MRPL23: variants seen among roughly 807,000 people sequenced by gnomAD.
MRPL23 encodes the protein large ribosomal subunit protein uL23m.
For missense variants in MRPL23, 25 were observed against 81.3 expected, an observed-to-expected ratio of 0.31 and a Z score of 2.66; for synonymous variants, 12 against 34.8, an observed-to-expected ratio of 0.35 and a Z score of 2.30.
At chr11:1,968,135 C>A (rs2119548304) in intron 4 of MRPL23, among the ~76,000 whole-genome samples, 1 of 82,278 alleles carries the variant, frequency 1.2e-5, no homozygotes, top group East Asian at 3.7e-4. Flanking sequence ...GGCCCCTCAG[C>A]CCCCAGCCAG....
intron 4 of MRPL23, among the ~76,000 whole-genome samples, chr11:1,971,199 G>A (rs1205191525): frequency 7.5e-6 from 1 of 132,762 alleles, no homozygotes; most frequent in Non-Finnish European, 1.7e-5. Flanking sequence ...GGGTTCAGGA[G>A]CCAGCCCCTG....
downstream of MRPL23, among the ~76,000 whole-genome samples, chr11:1,959,031 CAG>C (rs899172878): frequency 1.3e-3 from 12 of 9,342 alleles, 1 homozygote; most frequent in Admixed American, 1.9e-3. Context: ...GCGTGAGAAA[CAG>C]GGCTGCCAGT....
At chr11:1,971,108 C>T (rs1327055858) in intron 4 of MRPL23, among the ~76,000 whole-genome samples, 1 of 145,948 alleles carries the variant, frequency 6.9e-6, no homozygotes, top group Admixed American at 6.9e-5. Flanking sequence ...GGCCTGGCCA[C>T]AGCCCTGCTT....
At chr11:1,983,282 C>G (rs994943280) in intron 5 of MRPL23, 1 of 8,610 alleles carries the variant, frequency 1.2e-4, no homozygotes, top group African/African-American at 4.6e-4. Context: ...GCCCCGACCC[C>G]TTGGAGAGTG....
chr11:1,962,377 GC>G lies in MRPL23; in HGVS notation c.438del (p.Arg147GlyfsTer8), dbSNP rs919572229. The G allele has an allele frequency of 1.6e-5, 2 of 121,936 alleles. No individual in the cohort carries two copies. Among genetic ancestry groups the G allele is most frequent in the Admixed American group, 1.6e-4 (2 of 12,214 alleles). The allele number at this position is 121,936 out of a possible 1,614,324, so 7.6% of individuals were successfully genotyped here. ...TGCCTGCAGTGCCCTGTGCGTGGTG[GC>G]CAGGGCCTGGGCTGCGGTGTACGTG... On this transcript the variant is annotated frameshift_variant, in exon 5 of 5. Coordinates refer to the MRPL23 transcript ENST00000381514. LOFTEE classifies it low-confidence loss of function (END_TRUNC).
intron 4 of MRPL23, among the ~76,000 whole-genome samples, chr11:1,971,724 C>T (rs1856614681): frequency 6.8e-6 from 1 of 146,060 alleles, no homozygotes; most frequent in Non-Finnish European, 1.5e-5. Context: ...CCCAGCCTGG[C>T]CGGGCCATCC....
chr11:1,955,977 C>CG (rs547366857), intron 4 of MRPL23, among the ~76,000 whole-genome samples: 3 of 7,800 alleles, frequency 3.8e-4, no homozygotes, highest in South Asian at 7.8e-3. Context: ...GCACCCAGGG[C>CG]GGGGGCAGAC....
chr11:1,958,162 G>A (rs148939304), downstream of MRPL23, among the ~76,000 whole-genome samples: 20 of 139,830 alleles, frequency 1.4e-4, 1 homozygote, highest in East Asian at 4.1e-3. Flanking sequence ...ACCCTGATCT[G>A]CAGCGTGGGC....
downstream of MRPL23, among the ~76,000 whole-genome samples, chr11:1,988,934 G>C (rs1382600203): frequency 6.9e-6 from 1 of 144,316 alleles, no homozygotes; most frequent in East Asian, 2.0e-4. Context: ...GGCCTCCCTG[G>C]ATGGTCCTGG....
At chr11:1,983,620 C>A (rs1467171028) in intron 5 of MRPL23, 2 of 135,882 alleles carry the variant, frequency 1.5e-5, no homozygotes, top group East Asian at 4.7e-4. Flanking sequence ...GTCCCAGCCC[C>A]AGCCCTTCCC....
intron 4 of MRPL23, among the ~76,000 whole-genome samples, chr11:1,968,398 T>TG (rs1856570995): frequency 1.3e-5 from 1 of 79,412 alleles, no homozygotes; most frequent in Non-Finnish European, 2.7e-5. Context: ...TGGGGGACCC[T>TG]GGGGCGTGGA....
chr11:1,992,386 C>T, the MRPL23 span: 2 of 94,192 alleles, frequency 2.1e-5, no homozygotes, highest in Non-Finnish European at 2.9e-5. Flanking sequence ...CAGCAGCACG[C>T]GCCTCAAGTC....
intron 5 of MRPL23, chr11:1,983,320 C>T (rs545607076): frequency 4.8e-4 from 7 of 14,636 alleles, no homozygotes; most frequent in African/African-American, 1.9e-3. Flanking sequence ...TGGCTACCCC[C>T]GTCCAGGTGG....
the MRPL23 span, among the ~76,000 whole-genome samples, chr11:1,994,601 TG>T: frequency 1.1e-5 from 1 of 93,926 alleles, no homozygotes; most frequent in African/African-American, 2.8e-5. Flanking sequence ...CCTGGCTCCT[TG>T]TGCGGGGCCG....
chr11:1,994,630 C>T, the MRPL23 span, among the ~76,000 whole-genome samples: 2 of 88,894 alleles, frequency 2.2e-5, 1 homozygote, highest in Non-Finnish European at 6.2e-5. Context: ...GGCGTGGCCC[C>T]GGCTCCCACC....
At chr11:1,971,119 C>G (rs576617484) in intron 4 of MRPL23, among the ~76,000 whole-genome samples, 1 of 145,846 alleles carries the variant, frequency 6.9e-6, no homozygotes, top group African/African-American at 2.4e-5. Flanking sequence ...AGCCCTGCTT[C>G]CTGTCCAGCC....
the MRPL23 span, among the ~76,000 whole-genome samples, chr11:1,994,048 C>G: frequency 3.1e-5 from 3 of 96,260 alleles, 1 homozygote; most frequent in South Asian, 1.3e-3. Context: ...TGCTCTTCCG[C>G]CCTGGACACC....
intron 4 of MRPL23, among the ~76,000 whole-genome samples, chr11:1,971,240 G>A (rs1331492467): frequency 1.8e-5 from 2 of 109,236 alleles, no homozygotes; most frequent in African/African-American, 5.2e-5. Flanking sequence ...CCGCCAGCCC[G>A]AAGCCAGCCC....
chr11:1,971,076 G>A (rs1002255755), intron 4 of MRPL23, among the ~76,000 whole-genome samples: 5 of 144,768 alleles, frequency 3.5e-5, no homozygotes, highest in African/African-American at 9.9e-5. Context: ...TCCACCACTC[G>A]TCCCTGTCCT....
Sources: gnomAD v4.1 joint callset for allele counts (sites outside exome capture counted in the v4.1 genomes callset) on GRCh38, gnomAD v4.1.1 for gene constraint, MANE v1.5 for transcripts, NCBI Gene and HGNC (gene_info 2026-07-23, HGNC 2026-07-21) for gene names.